Variants in SPECC1 observed in about 807,000 individuals in gnomAD.
The protein encoded by SPECC1 is cytospin-B.
SPECC1 carries 62 observed loss-of-function variants against 104.1 expected under a neutral mutation model. That is an observed-to-expected ratio of 0.60 (90% confidence interval 0.49 to 0.74). The LOEUF (loss-of-function observed/expected upper bound fraction) is 0.74, where lower values mean the gene tolerates loss of function less well. Among genes scored for constraint, SPECC1 ranks in the 30% least tolerant of loss-of-function variants. The probability of loss-of-function intolerance (pLI) is 0.00; values close to 1 mark genes in which losing one functional copy is unlikely to be tolerated. For synonymous variants in SPECC1, 513 were observed against 501.6 expected (o/e 1.02, Z -0.30); for missense variants, 1,306 against 1,310.5 (o/e 1.00, Z 0.05).
At chr17:20,172,809 T>A (rs2151187536) in intron 3 of SPECC1, among the ~76,000 whole-genome samples, 1 of 152,298 alleles carries the variant, frequency 6.6e-6, no homozygotes, top group East Asian at 1.9e-4. Context: ...TGAGACGGTG[T>A]GTGCGATTAA....
intron 3 of SPECC1, among the ~76,000 whole-genome samples, chr17:20,196,843 C>G (rs1383544558): frequency 6.6e-6 from 1 of 152,192 alleles, no homozygotes; most frequent in African/African-American, 2.4e-5. Context: ...AACTTAATAT[C>G]TGACCTGCAT....
chr17:20,045,615 G>C (rs2045507897), intron 1 of SPECC1, among the ~76,000 whole-genome samples: 1 of 152,100 alleles, frequency 6.6e-6, no homozygotes, highest in South Asian at 2.1e-4. Flanking sequence ...GGCATTACAG[G>C]TGCCTTTGAG....
intron 1 of SPECC1, among the ~76,000 whole-genome samples, chr17:20,044,056 A>G (rs1296300229): frequency 6.6e-6 from 1 of 152,120 alleles, no homozygotes; most frequent in Non-Finnish European, 1.5e-5. Flanking sequence ...ATTGTGCTAA[A>G]CAGACTCCTA....
At chr17:20,108,525 A>G (rs2048338054) in intron 2 of SPECC1, among the ~76,000 whole-genome samples, 1 of 152,182 alleles carries the variant, frequency 6.6e-6, no homozygotes, top group Non-Finnish European at 1.5e-5. Context: ...ATTCTGACTT[A>G]TATTACCATC....
Position 20,245,839 on chromosome 17 carries a change from C to G in SPECC1, c.2352-87C>G, listed in dbSNP as rs564314898. 1,607 of 1,437,036 alleles carry G rather than the reference C, an allele frequency of 1.1e-3. 2 individuals are homozygous for G. The highest frequency in any genetic ancestry group is 1.4e-3 in the Non-Finnish European group (1,507 of 1,051,972). The allele number at this position is 1,437,036 out of a possible 1,614,324, so 89.0% of individuals were successfully genotyped here. On this transcript the variant is annotated intron_variant, in intron 7 of 14. Transcript: ENST00000395527. Reference sequence around the variant, plus strand: ...TCCCTTCCAGCTTCATTTATTTTCTCCACATCAGTTCTGTTTTCCTCTGTG... The same window carrying G: ...TCCCTTCCAGCTTCATTTATTTTCTGCACATCAGTTCTGTTTTCCTCTGTG...
In SPECC1 at chr17:20,119,675, G is replaced by C. The variant is rs185795625; in HGVS notation, c.283+9113G>C. ...ACCAGTCTATTAGGACAGACCATTA[G>C]GAGCAGTGGTATGCAGTGCCTGTCT... is the stretch of plus-strand genomic sequence containing the variant. On this transcript the variant is annotated intron_variant, in intron 3 of 14. Transcript: ENST00000395527. 5.9e-5 allele frequency among the ~76,000 whole-genome samples: 9 copies of C among 152,352 alleles called. No individual in the cohort carries two copies. The East Asian group carries it at 1.7e-3, about 29-fold the overall frequency.
chr17:20,101,414 C>A (rs1490896146), intron 2 of SPECC1, among the ~76,000 whole-genome samples: 1 of 152,140 alleles, frequency 6.6e-6, no homozygotes, highest in East Asian at 1.9e-4. Flanking sequence ...CTCTAGTGAC[C>A]AGTGATGATG....
chr17:20,167,087 A>G (rs1222699490), intron 3 of SPECC1, among the ~76,000 whole-genome samples: 1 of 150,420 alleles, frequency 6.6e-6, no homozygotes, highest in African/African-American at 2.4e-5. Context: ...ATCAAGAAAT[A>G]GGATAACACA....
intron 12 of SPECC1, among the ~76,000 whole-genome samples, chr17:20,266,073 A>C (rs914231457): frequency 6.6e-6 from 1 of 152,226 alleles, no homozygotes; most frequent in African/African-American, 2.4e-5. Context: ...TTTTGGTTCC[A>C]TATGAATTTT....
chr17:20,129,954 A>G (rs1303438538), intron 3 of SPECC1, among the ~76,000 whole-genome samples: 1 of 151,348 alleles, frequency 6.6e-6, no homozygotes, highest in Non-Finnish European at 1.5e-5. Context: ...GGGTTTCACT[A>G]TGTTGCTCAG....
chr17:20,101,637 C>A (rs1446673022), intron 2 of SPECC1, among the ~76,000 whole-genome samples: 1 of 152,182 alleles, frequency 6.6e-6, no homozygotes, highest in African/African-American at 2.4e-5. Context: ...CCTGCAGTGT[C>A]ATTTGCGAGG....
chr17:20,075,345 G>C (rs1226028433), intron 1 of SPECC1, among the ~76,000 whole-genome samples: 1 of 152,204 alleles, frequency 6.6e-6, no homozygotes, highest in Non-Finnish European at 1.5e-5. Context: ...TGGAGGCCTA[G>C]AGAGGTCAGA....
chr17:20,039,477 C>G (rs934076294), intron 1 of SPECC1, among the ~76,000 whole-genome samples: 1 of 152,080 alleles, frequency 6.6e-6, no homozygotes, highest in Non-Finnish European at 1.5e-5. Context: ...TATAGCCACT[C>G]CTTTCTTTTG....
chr17:20,089,425 G>A (rs11870111), intron 1 of SPECC1, among the ~76,000 whole-genome samples: 74,951 of 151,090 alleles, frequency 0.5, 19,116 homozygotes, highest in Middle Eastern at 0.6. Flanking sequence ...CCATGAGTTT[G>A]AGACCAGCCT....
chr17:20,210,738 C>T (rs980218884), intron 4 of SPECC1, among the ~76,000 whole-genome samples: 4 of 152,322 alleles, frequency 2.6e-5, no homozygotes, highest in East Asian at 1.9e-4. Context: ...GATCATGTAG[C>T]GCCTTCCGGT....
intron 7 of SPECC1, among the ~76,000 whole-genome samples, chr17:20,234,645 C>T (rs2038799531): frequency 6.6e-6 from 1 of 152,212 alleles, no homozygotes; most frequent in Admixed American, 6.5e-5. Flanking sequence ...AAAGAACTTG[C>T]AGAGCATTCT....
chr17:20,086,761 C>T (rs1045880199), intron 1 of SPECC1, among the ~76,000 whole-genome samples: 1 of 152,184 alleles, frequency 6.6e-6, no homozygotes. Context: ...CGTCTGTGCT[C>T]AGCAGTGCGG....
chr17:20,115,943 A>G (rs138116575), intron 3 of SPECC1, among the ~76,000 whole-genome samples: 2,349 of 152,340 alleles, frequency 0.015, 31 homozygotes, highest in Non-Finnish European at 0.025. Context: ...CAAAATGATG[A>G]TTGTAATCAG....
chr17:20,309,961 G>A lies in SPECC1; in HGVS notation c.3117+3879G>A, dbSNP rs142029527. ...GCCTCCTGAGTAGCTGGGATTATAG[G>A]CACGCACCACCATGCCCAGCTAATT... On this transcript the variant is annotated intron_variant, in intron 14 of 14. Transcript: ENST00000395527. Among the ~76,000 whole-genome samples, 1,205 of 151,820 alleles carry A rather than the reference G, an allele frequency of 7.9e-3. 18 individuals carry two copies. Among genetic ancestry groups the A allele is most frequent in the African/African-American group, 0.028 (1,146 of 41,388 alleles).
Sources: gnomAD v4.1 joint callset for allele counts (sites outside exome capture counted in the v4.1 genomes callset) on GRCh38, gnomAD v4.1.1 for gene constraint, MANE v1.5 for transcripts, NCBI Gene and HGNC (gene_info 2026-07-23, HGNC 2026-07-21) for gene names.